Variants in PLA2G6 observed in about 807,000 individuals in gnomAD.
The protein encoded by PLA2G6 is phospholipase A2 group VI.
PLA2G6 carries 62 observed loss-of-function variants against 83.8 expected under a neutral mutation model. The observed-to-expected ratio is 0.74, with a 90% CI of 0.60 to 0.91. The LOEUF is 0.91. PLA2G6 is among the 40% of genes least tolerant of loss of function. The pLI is 0.00. For missense variants in PLA2G6, 944 were observed against 1,102.0 expected (o/e 0.86, Z 2.03); for synonymous variants, 417 against 449.8 (o/e 0.93, Z 0.92).
intron 14 of PLA2G6, 73 bp from the exon 15 acceptor site, chr22:38,113,727 G>T: frequency 7.1e-7 from 1 of 1,408,212 alleles, no homozygotes; most frequent in Non-Finnish European, 1.0e-6. Context: ...AGCGTCAAGG[G>T]GAGGCCCAAG....
chr22:38,115,742 T>C (rs746460352), intron 13 of PLA2G6, 61 bp from the exon 14 acceptor site: 5 of 1,542,904 alleles, frequency 3.2e-6, no homozygotes, highest in African/African-American at 1.4e-5. Flanking sequence ...ACCCATGCAC[T>C]CCAGATCTCA....
At chr22:38,112,447 G>A (rs949569745) in intron 16 of PLA2G6, 57 bp downstream of exon 16, 46 of 1,510,628 alleles carry the variant, frequency 3.0e-5, no homozygotes, top group Non-Finnish European at 3.5e-5. Context: ...GGGGAAGGTC[G>A]GTGAGTCCGA....
chr22:38,162,849 C>T (rs1314870427), intron 2 of PLA2G6, among the ~76,000 whole-genome samples: 1 of 152,112 alleles, frequency 6.6e-6, no homozygotes, highest in Non-Finnish European at 1.5e-5. Context: ...GCAAGCGGGT[C>T]CTTCAAGGAG....
intron 2 of PLA2G6, among the ~76,000 whole-genome samples, chr22:38,155,544 A>G (rs779886076): frequency 5.9e-5 from 9 of 152,206 alleles, no homozygotes; most frequent in Non-Finnish European, 1.2e-4. Context: ...TAAAATGTAG[A>G]GTTTTTATTA....
chr22:38,160,296 C>T (rs779076236), intron 2 of PLA2G6, among the ~76,000 whole-genome samples: 1 of 152,122 alleles, frequency 6.6e-6, no homozygotes, highest in Non-Finnish European at 1.5e-5. Flanking sequence ...GGAAAACAGA[C>T]GGGCGGTATT....
At chr22:38,177,223 G>A (rs5756947) in intron 1 of PLA2G6, among the ~76,000 whole-genome samples, 47,867 of 151,542 alleles carry the variant, frequency 0.32, 7,750 homozygotes, top group Admixed American at 0.39. Context: ...TGCTCAATCT[G>A]TGGGTGAGAA....
At chr22:38,174,797 C>T (rs1199617060) in intron 1 of PLA2G6, among the ~76,000 whole-genome samples, 2 of 152,066 alleles carry the variant, frequency 1.3e-5, no homozygotes, top group Admixed American at 6.5e-5. Context: ...GAGGAGGGGC[C>T]GTGGTTAGTG....
chr22:38,163,909 T>A (rs1420192857), intron 2 of PLA2G6, among the ~76,000 whole-genome samples: 1 of 152,062 alleles, frequency 6.6e-6, no homozygotes, highest in Non-Finnish European at 1.5e-5. Flanking sequence ...AGGTTTCTGA[T>A]AAGCAGTTTT....
chr22:38,126,706 G>C, intron 9 of PLA2G6: 1 of 517,102 alleles, frequency 1.9e-6, no homozygotes, highest in Admixed American at 3.2e-5. Flanking sequence ...ACCCTGCCCA[G>C]CCAGCTCCCA....
chr22:38,158,757 A>ACC (rs2089894204), intron 2 of PLA2G6, among the ~76,000 whole-genome samples: 1 of 152,178 alleles, frequency 6.6e-6, no homozygotes, highest in South Asian at 2.1e-4. Context: ...CAACTGTTTT[A>ACC]TATATGTTCC....
intron 2 of PLA2G6, among the ~76,000 whole-genome samples, chr22:38,164,274 C>G (rs2090132982): frequency 6.6e-6 from 1 of 152,182 alleles, no homozygotes; most frequent in African/African-American, 2.4e-5. Flanking sequence ...GCTCGCCACA[C>G]TACAAAGCAG....
chr22:38,167,628 G>T (rs1189398638), intron 2 of PLA2G6, among the ~76,000 whole-genome samples: 1 of 152,196 alleles, frequency 6.6e-6, no homozygotes, highest in Non-Finnish European at 1.5e-5. Context: ...TCTGCACTCA[G>T]AATCTGGAAT....
intron 16 of PLA2G6, 55 bp from the exon 17 acceptor site, chr22:38,112,360 A>G: frequency 1.9e-6 from 3 of 1,595,364 alleles, no homozygotes; most frequent in Non-Finnish European, 2.6e-6. Flanking sequence ...TGGGCAGGGG[A>G]CGCCAGCTAG....
At chr22:38,173,498 T>G (rs1349157349) in intron 1 of PLA2G6, among the ~76,000 whole-genome samples, 1 of 152,066 alleles carries the variant, frequency 6.6e-6, no homozygotes, top group Non-Finnish European at 1.5e-5. Flanking sequence ...CCAGGCAATT[T>G]CCAGGTACCA....
chr22:38,156,674 C>T (rs914731086), intron 2 of PLA2G6, among the ~76,000 whole-genome samples: 5 of 152,016 alleles, frequency 3.3e-5, no homozygotes, highest in Non-Finnish European at 7.4e-5. Context: ...AGGATGGTCT[C>T]GATCTCCTGA....
At chr22:38,115,497 G>C in intron 14 of PLA2G6, 30 bp downstream of exon 14, 1 of 1,601,572 alleles carries the variant, frequency 6.2e-7, no homozygotes, top group Non-Finnish European at 8.5e-7. Flanking sequence ...GGGAGCAGTG[G>C]GTCCAGGCCC....
intron 11 of PLA2G6, among the ~76,000 whole-genome samples, chr22:38,121,788 G>A (rs957564908): frequency 4.6e-5 from 7 of 152,184 alleles, no homozygotes; most frequent in Non-Finnish European, 8.8e-5. Flanking sequence ...CTAGGACTCT[G>A]CCCAGTCTGC....
intron 2 of PLA2G6, chr22:38,148,221 G>T: frequency 2.6e-6 from 1 of 382,926 alleles, no homozygotes; most frequent in Non-Finnish European, 4.9e-6. Flanking sequence ...CACAATGTGA[G>T]AATCTGAAGA....
intron 7 of PLA2G6, chr22:38,131,493 T>C (rs757784951): frequency 6.6e-6 from 1 of 152,194 alleles, no homozygotes; most frequent in Non-Finnish European, 1.5e-5. Flanking sequence ...TAAAAAATCT[T>C]TGTGATCCTC....
Sources: gnomAD v4.1 joint callset for allele counts (sites outside exome capture counted in the v4.1 genomes callset) on GRCh38, gnomAD v4.1.1 for gene constraint, MANE v1.5 for transcripts, NCBI Gene and HGNC (gene_info 2026-07-23, HGNC 2026-07-21) for gene names.